MAGI1: variants seen among roughly 807,000 people sequenced by gnomAD.
The protein encoded by MAGI1 is membrane-associated guanylate kinase, WW and PDZ domain-containing protein 1.
In MAGI1, 58 loss-of-function variants were observed where a neutral mutation model predicts 139.9. The observed-to-expected ratio is 0.41, with a 90% CI of 0.34 to 0.52. The LOEUF (loss-of-function observed/expected upper bound fraction) is 0.52. MAGI1 is among the 20% of genes least tolerant of loss of function. The probability of loss-of-function intolerance (pLI) is 0.12; values close to 1 mark genes in which losing one functional copy is unlikely to be tolerated. For synonymous variants in MAGI1, 812 were observed against 737.9 expected, an observed-to-expected ratio of 1.10 and a Z score of -1.63; for missense variants, 1,874 against 1,901.6, an observed-to-expected ratio of 0.99 and a Z score of 0.27.
At chr3:65,782,412 A>T (rs2039004405) in intron 1 of MAGI1, among the ~76,000 whole-genome samples, 1 of 152,150 alleles carries the variant, frequency 6.6e-6, no homozygotes, top group Admixed American at 6.5e-5. Flanking sequence ...CAGCCCTGTG[A>T]CAACTTGGTT....
rs138838948 is a variant in MAGI1, at chr3:65,833,271, A to G, written c.313+204725T>C. Among the ~76,000 whole-genome samples, 399 of 152,180 alleles carry G rather than the reference A, an allele frequency of 2.6e-3. 4 individuals carry two copies. Among genetic ancestry groups the G allele is most frequent in the Middle Eastern group, 0.014 (4 of 294 alleles). Reference sequence around the variant, plus strand: ...GTAGCTGGGATCACAGGCGTGCACCACTACGCTCAGCTAATTTTTGTAGTT... The same window carrying G: ...GTAGCTGGGATCACAGGCGTGCACCGCTACGCTCAGCTAATTTTTGTAGTT... On this transcript the variant is annotated intron_variant, in intron 1 of 22. Transcript: ENST00000402939.
chr3:65,981,742 GA>G (rs2107277984), intron 1 of MAGI1, among the ~76,000 whole-genome samples: 1 of 152,212 alleles, frequency 6.6e-6, no homozygotes, highest in South Asian at 2.1e-4. Context: ...TTTATAAGGG[GA>G]AACCCCTTTT....
At position 65,879,941 on chromosome 3, in the gene MAGI1, A is replaced by T. The variant is rs200396564; in HGVS notation, c.313+158055T>A. On this transcript the variant is annotated intron_variant, in intron 1 of 22. Transcript: ENST00000402939. The stretch of plus-strand genomic sequence containing the variant: ...TTCCTGCCCTTGTCATCCCTAACAG[A>T]CACATGGCATCAGCTACTAGAATCT... Among the ~76,000 whole-genome samples the T allele has an allele frequency of 5.3e-5, 8 of 152,298 alleles. No homozygotes were observed. The East Asian group carries it at 1.5e-3, about 29-fold the overall frequency.
At chr3:65,370,378 C>T (rs1941867684) in intron 18 of MAGI1, among the ~76,000 whole-genome samples, 1 of 152,204 alleles carries the variant, frequency 6.6e-6, no homozygotes, top group Non-Finnish European at 1.5e-5. Context: ...ATCATATCAA[C>T]CAAATTCCTG....
intron 6 of MAGI1, among the ~76,000 whole-genome samples, chr3:65,451,865 C>T (rs1949051219): frequency 6.6e-6 from 1 of 152,128 alleles, no homozygotes; most frequent in Non-Finnish European, 1.5e-5. Flanking sequence ...CCAGGCTGGT[C>T]TTGAACTCCT....
intron 12 of MAGI1, among the ~76,000 whole-genome samples, chr3:65,422,545 A>T (rs1474377437): frequency 6.6e-6 from 1 of 152,138 alleles, no homozygotes; most frequent in Non-Finnish European, 1.5e-5. Flanking sequence ...GCATTAACTC[A>T]TCTTTTCATT....
At chr3:65,997,799 C>T (rs1017164025) in intron 1 of MAGI1, among the ~76,000 whole-genome samples, 1 of 152,168 alleles carries the variant, frequency 6.6e-6, no homozygotes, top group Non-Finnish European at 1.5e-5. Context: ...CCCCTCGACA[C>T]CAGGAACCTA....
At chr3:65,753,116 T>C (rs2036284048) in intron 1 of MAGI1, among the ~76,000 whole-genome samples, 1 of 152,134 alleles carries the variant, frequency 6.6e-6, no homozygotes, top group African/African-American at 2.4e-5. Flanking sequence ...ACTTACGTCA[T>C]AGTGCAACAC....
At chr3:65,504,605 C>T (rs1463703495) in intron 2 of MAGI1, among the ~76,000 whole-genome samples, 1 of 152,126 alleles carries the variant, frequency 6.6e-6, no homozygotes, top group Non-Finnish European at 1.5e-5. Context: ...TGAATTTCCA[C>T]AGCTCTTCAC....
chr3:65,380,510 TTCC>T (rs1412328069), intron 16 of MAGI1, among the ~76,000 whole-genome samples: 12 of 152,148 alleles, frequency 7.9e-5, no homozygotes, highest in Non-Finnish European at 8.8e-5. Context: ...CTAATTCCCC[TTCC>T]TATTTCCTCC....
At chr3:65,384,303 T>C (rs750384072) in intron 14 of MAGI1, among the ~76,000 whole-genome samples, 26 of 152,194 alleles carry the variant, frequency 1.7e-4, no homozygotes, top group Non-Finnish European at 2.6e-4. Context: ...GATAGAAAAT[T>C]TGTTAGACCT....
At chr3:65,998,038 G>C (rs1251164968) in intron 1 of MAGI1, among the ~76,000 whole-genome samples, 3 of 151,532 alleles carry the variant, frequency 2.0e-5, no homozygotes, top group Non-Finnish European at 4.4e-5. Flanking sequence ...GGGAGGCAGA[G>C]GTTGCAGTGA....
In MAGI1 at chr3:65,478,667, T is replaced by A. The variant is rs1428823045; in HGVS notation, c.682A>T (p.Met228Leu). The A allele has an allele frequency of 2.5e-6, 4 of 1,614,100 alleles. No homozygotes were observed. The highest frequency in any genetic ancestry group is 1.7e-5 in the Admixed American group (1 of 59,992). The change falls in exon 4 of 23, where the codon ATG becomes TTG. Residue 228 changes from methionine to leucine, a missense_variant. Met to Leu is a conservative substitution (Grantham distance 15). Around this residue, in one of 5 missense-constraint regions of MAGI1, gnomAD observed 648 missense variants for 598.1 expected, o/e 1.08. Coordinates refer to ENST00000402939, the MANE Select transcript of MAGI1 (RefSeq NM_001033057.2). The part of the protein sequence containing the change: ...TPKRTKSYND[M>L]QNAGIVHAEN... The stretch of plus-strand genomic sequence containing the variant: ...GCGTGGACTATGCCAGCATTTTGCA[T>A]ATCATTGTAGGACTTGGTTCGCTTC...
In MAGI1 at chr3:65,357,219, T is replaced by C. The variant is rs1940260404; in HGVS notation, c.3635-87A>G. ...TTCCCACCCACACTCGAGACCTCAT[T>C]AGTCACAACAAGCAAACAACTGTTA... is the stretch of plus-strand genomic sequence containing the variant. On this transcript the variant is annotated intron_variant, in intron 22 of 22. Transcript: ENST00000402939. The C allele has an allele frequency of 8.9e-6, 12 of 1,352,236 alleles. No individual in the cohort carries two copies. The South Asian group carries it at 1.7e-4, about 19-fold the overall frequency. 83.8% of individuals were successfully genotyped at this position (1,352,236 alleles called of 1,614,324 possible).
chr3:65,514,803 T>C (rs1425040505), intron 2 of MAGI1, among the ~76,000 whole-genome samples: 2 of 147,920 alleles, frequency 1.4e-5, no homozygotes, highest in Non-Finnish European at 3.0e-5. Context: ...GCCATCCCAT[T>C]ACTGGGTGTA....
chr3:65,973,548 G>A (rs1027691426), intron 1 of MAGI1, among the ~76,000 whole-genome samples: 1 of 152,174 alleles, frequency 6.6e-6, no homozygotes, highest in Admixed American at 6.5e-5. Context: ...CCGAAGCATG[G>A]TACTGCATGT....
At chr3:65,586,050 A>G (rs775770240) in intron 2 of MAGI1, among the ~76,000 whole-genome samples, 7 of 152,154 alleles carry the variant, frequency 4.6e-5, no homozygotes, top group Non-Finnish European at 1.0e-4. Flanking sequence ...TGTACAAAAA[A>G]TTTAAAAAAT....
At chr3:65,712,714 G>T (rs529145763) in intron 1 of MAGI1, among the ~76,000 whole-genome samples, 1 of 152,208 alleles carries the variant, frequency 6.6e-6, no homozygotes, top group East Asian at 1.9e-4. Flanking sequence ...GTTTCACCAT[G>T]TTGGCCAGGC....
intron 2 of MAGI1, among the ~76,000 whole-genome samples, chr3:65,602,088 T>C (rs112512870): frequency 2.0e-5 from 3 of 152,086 alleles, no homozygotes; most frequent in South Asian, 2.1e-4. Context: ...AGTAACGATG[T>C]TGATAATTGG....
Sources: gnomAD v4.1 joint callset for allele counts (sites outside exome capture counted in the v4.1 genomes callset) on GRCh38, gnomAD v4.1.1 for gene constraint, gnomAD v4.1.1 regional missense constraint, MANE v1.5 for transcripts, NCBI Gene and HGNC (gene_info 2026-07-23, HGNC 2026-07-21) for gene names.